ZFAT: variants seen among roughly 807,000 people sequenced by gnomAD.
ZFAT encodes the protein zinc finger protein ZFAT.
ZFAT carries 64 observed loss-of-function variants against 117.7 expected under a neutral mutation model. The ratio of observed to expected loss-of-function variants is 0.54; its 90% CI spans 0.44 to 0.67. ZFAT has a LOEUF of 0.67. ZFAT is among the 30% of genes least tolerant of loss of function. ZFAT has a pLI of 0.00. For missense variants in ZFAT, 1,433 were observed against 1,584.5 expected (o/e 0.90, Z 1.62); for synonymous variants, 679 against 615.0 (o/e 1.10, Z -1.54).
At chr8:134,681,038 C>T (rs1452561025) in intron 1 of ZFAT, among the ~76,000 whole-genome samples, 1 of 152,220 alleles carries the variant, frequency 6.6e-6, no homozygotes, top group African/African-American at 2.4e-5. Flanking sequence ...ATCATGTACA[C>T]TGCTAGGTGG....
chr8:134,534,750 A>G (rs376594235), intron 11 of ZFAT, among the ~76,000 whole-genome samples: 20 of 102,950 alleles, frequency 1.9e-4, no homozygotes, highest in African/African-American at 7.0e-4. Context: ...AGGGAAAGGA[A>G]GAGGGGGAGA....
intron 3 of ZFAT, among the ~76,000 whole-genome samples, chr8:134,624,349 A>T (rs1445689589): frequency 6.6e-6 from 1 of 152,178 alleles, no homozygotes; most frequent in Non-Finnish European, 1.5e-5. Context: ...CTCTTCTAGA[A>T]GTGCTTCTTT....
chr8:134,685,112 C>A (rs1390832521), intron 1 of ZFAT, among the ~76,000 whole-genome samples: 1 of 152,188 alleles, frequency 6.6e-6, no homozygotes, highest in Admixed American at 6.5e-5. Context: ...CACACTGGAC[C>A]CTCCCTGCTG....
rs1391596177 is a variant in ZFAT, at chr8:134,509,820, C to T, written c.3362-71G>A. On this transcript the variant is annotated intron_variant, in intron 14 of 15. Transcript: ENST00000377838. The stretch of plus-strand genomic sequence containing the variant: ...TGAAGGACATGGAATGCAAAACCAG[C>T]CTGTCTGTTCTCTCGGGTGACGCCT... The T allele has an allele frequency of 1.5e-5, 23 of 1,521,404 alleles. No individual in the cohort carries two copies. The East Asian group carries it at 3.9e-4, about 25-fold the overall frequency. The allele number at this position is 1,521,404 out of a possible 1,614,324, so 94.2% of individuals were successfully genotyped here. A position where few individuals can be genotyped will look rare whatever the true frequency, so the allele number is the denominator to read the frequency against.
intron 1 of ZFAT, among the ~76,000 whole-genome samples, chr8:134,666,100 G>C (rs943193603): frequency 3.9e-5 from 6 of 152,148 alleles, no homozygotes; most frequent in Non-Finnish European, 8.8e-5. Flanking sequence ...AGTGTCACTG[G>C]AGGCCCCATG....
chr8:134,649,872 G>T (rs149263995), intron 2 of ZFAT, among the ~76,000 whole-genome samples: 1,079 of 106,512 alleles, frequency 0.01, 14 homozygotes, highest in African/African-American at 0.039. Flanking sequence ...TGTCAAGGGT[G>T]GGACCAGGTG....
intron 11 of ZFAT, among the ~76,000 whole-genome samples, chr8:134,533,331 C>G (rs1821575644): frequency 6.6e-6 from 1 of 152,140 alleles, no homozygotes; most frequent in Non-Finnish European, 1.5e-5. Flanking sequence ...TTAAAAGTAG[C>G]TCTCATTACA....
chr8:134,825,275 T>C, the ZFAT span, among the ~76,000 whole-genome samples: 1 of 152,202 alleles, frequency 6.6e-6, no homozygotes, highest in African/African-American at 2.4e-5. Flanking sequence ...AATGATTAGC[T>C]CAACATGTTT....
intron 15 of ZFAT, among the ~76,000 whole-genome samples, chr8:134,486,975 T>C (rs144331837): frequency 5.7e-4 from 87 of 152,302 alleles, no homozygotes; most frequent in Admixed American, 1.4e-3. Flanking sequence ...TACAGGTGTG[T>C]GTCCATGTGT....
intron 11 of ZFAT, among the ~76,000 whole-genome samples, chr8:134,552,218 G>A (rs376694220): frequency 2.0e-5 from 3 of 152,064 alleles, no homozygotes; most frequent in African/African-American, 7.2e-5. Context: ...CCCTGTCATG[G>A]TGCCTGACAC....
chr8:134,501,726 T>A (rs1818993495), intron 15 of ZFAT, among the ~76,000 whole-genome samples: 1 of 152,234 alleles, frequency 6.6e-6, no homozygotes, highest in Non-Finnish European at 1.5e-5. Context: ...TCCTTTTATC[T>A]GCACTGTGAG....
upstream of ZFAT, among the ~76,000 whole-genome samples, chr8:134,713,866 C>CT (rs1468762457): frequency 7.8e-6 from 1 of 128,068 alleles, no homozygotes; most frequent in Admixed American, 8.2e-5. Context: ...CCATTCCTAT[C>CT]TGTCATTATC....
At position 134,649,165 on chromosome 8, in the gene ZFAT, TCA is replaced by T. The variant is rs752848073; in HGVS notation, c.196+8394_196+8395del. 2.7e-3 allele frequency among the ~76,000 whole-genome samples: 205 copies of T among 76,964 alleles called. No homozygotes were observed. The East Asian group carries it at 0.034, about 13-fold the overall frequency. The allele number at this position is 76,964 out of a possible 152,430, so 50.5% of individuals were successfully genotyped here. ...TAACCTAATGAAGAACATCTATCTCTCACACACACACACACACACACACACAC... is the reference window on the plus strand; with the variant it reads ...TAACCTAATGAAGAACATCTATCTCTCACACACACACACACACACACACAC... On this transcript the variant is annotated intron_variant, in intron 2 of 15. Transcript: ENST00000377838.
At chr8:134,499,427 G>A (rs868579877) in intron 15 of ZFAT, among the ~76,000 whole-genome samples, 12 of 118,578 alleles carry the variant, frequency 1.0e-4, no homozygotes, top group Admixed American at 2.7e-4. Flanking sequence ...CACACAGAGC[G>A]TGATTTGGTA....
At chr8:134,571,057 C>G (rs941869225) in intron 10 of ZFAT, among the ~76,000 whole-genome samples, 1 of 152,196 alleles carries the variant, frequency 6.6e-6, no homozygotes, top group Non-Finnish European at 1.5e-5. Context: ...CGAGCATTCA[C>G]GGAGGGGCTG....
chr8:134,790,637 T>C, the ZFAT span, among the ~76,000 whole-genome samples: 2 of 152,214 alleles, frequency 1.3e-5, no homozygotes, highest in Non-Finnish European at 2.9e-5. Context: ...TCCTAAAATA[T>C]ATATGTATAT....
At chr8:134,712,270 A>T (rs566010502) in intron 1 of ZFAT, among the ~76,000 whole-genome samples, 3 of 152,352 alleles carry the variant, frequency 2.0e-5, no homozygotes, top group African/African-American at 7.2e-5. Context: ...AGTTCTCAAG[A>T]GAGCTGAGCA....
chr8:134,744,121 C>T, the ZFAT span, among the ~76,000 whole-genome samples: 111 of 152,270 alleles, frequency 7.3e-4, no homozygotes, highest in African/African-American at 2.4e-3. Context: ...CAGGGTCTCA[C>T]CATTTTAATG....
At chr8:134,748,969 C>T in the ZFAT span, among the ~76,000 whole-genome samples, 1 of 151,336 alleles carries the variant, frequency 6.6e-6, no homozygotes, top group Non-Finnish European at 1.5e-5. Context: ...CCCTTTTAAC[C>T]TATTTCTTGT....
Sources: gnomAD v4.1 joint callset for allele counts (sites outside exome capture counted in the v4.1 genomes callset) on GRCh38, gnomAD v4.1.1 for gene constraint, MANE v1.5 for transcripts, NCBI Gene and HGNC (gene_info 2026-07-23, HGNC 2026-07-21) for gene names.